The following INSC variants were observed in gnomAD, a reference collection of about 807,000 sequenced individuals.
INSC encodes INSC spindle orientation adaptor protein, also known as protein inscuteable homolog.
A neutral mutation model predicts 58.6 loss-of-function variants in INSC; 67 were observed. The ratio of observed to expected loss-of-function variants is 1.14; its 90% CI spans 0.94 to 1.40. The LOEUF (loss-of-function observed/expected upper bound fraction) is 1.40, where lower values mean the gene tolerates loss of function less well. INSC is among the 40% of genes most tolerant of loss of function. INSC has a pLI of 0.00. For missense variants in INSC, 714 were observed against 692.0 expected (o/e 1.03, Z -0.36); for synonymous variants, 262 against 276.1 (o/e 0.95, Z 0.51).
At chr11:15,112,516 G>A, upstream of INSC, 1 of 1,612,894 alleles carries the variant, frequency 6.2e-7, no homozygotes. Context: ...GAAGGTCCAG[G>A]TGGCTGGGGT....
At chr11:15,127,293 T>G (rs1848019470) in intron 1 of INSC, among the ~76,000 whole-genome samples, 1 of 152,200 alleles carries the variant, frequency 6.6e-6, no homozygotes, top group Admixed American at 6.5e-5. Context: ...AGCCACTTCT[T>G]TAAGAACAGC....
At chr11:15,255,865 G>A in the INSC span, among the ~76,000 whole-genome samples, 1 of 152,048 alleles carries the variant, frequency 6.6e-6, no homozygotes, top group African/African-American at 2.4e-5. Flanking sequence ...AATCTATAAA[G>A]GGGTATTTGT....
At chr11:15,112,580 AG>A (rs1434053825), upstream of INSC, 1 of 1,168,068 alleles carries the variant, frequency 8.6e-7, no homozygotes, top group Non-Finnish European at 1.2e-6. Flanking sequence ...GTATCTGGGA[AG>A]GTGGATGTGA....
the INSC span, among the ~76,000 whole-genome samples, chr11:15,254,678 A>G: frequency 2.6e-5 from 4 of 152,224 alleles, no homozygotes; most frequent in Non-Finnish European, 5.9e-5. Flanking sequence ...AGTGCTCAAT[A>G]AACGTGGTTA....
downstream of INSC, among the ~76,000 whole-genome samples, chr11:15,249,542 C>T (rs911149513): frequency 2.0e-5 from 3 of 152,128 alleles, no homozygotes; most frequent in Non-Finnish European, 4.4e-5. Flanking sequence ...CAGGGAACTA[C>T]CTGTCCCAGG....
intron 1 of INSC, among the ~76,000 whole-genome samples, chr11:15,141,278 T>C (rs1848365248): frequency 6.6e-6 from 1 of 152,184 alleles, no homozygotes; most frequent in South Asian, 2.1e-4. Context: ...AGGTGAGGCC[T>C]AAAAGGTAGA....
At chr11:15,184,638 C>T (rs1849900563) in intron 5 of INSC, 1 of 152,224 alleles carries the variant, frequency 6.6e-6, no homozygotes, top group Admixed American at 6.5e-5. Flanking sequence ...TCATGATCCG[C>T]CTGCCTCGGC....
At chr11:15,198,057 T>G (rs1486593494) in intron 6 of INSC, among the ~76,000 whole-genome samples, 1 of 152,188 alleles carries the variant, frequency 6.6e-6, no homozygotes, top group African/African-American at 2.4e-5. Flanking sequence ...ATCCATTTTA[T>G]TTCCTCTGTG....
chr11:15,213,664 C>T (rs754628866), intron 7 of INSC, among the ~76,000 whole-genome samples: 2 of 152,154 alleles, frequency 1.3e-5, no homozygotes, highest in Non-Finnish European at 2.9e-5. Flanking sequence ...AATTACTCAT[C>T]CCTGCTTTCT....
the INSC span, among the ~76,000 whole-genome samples, chr11:15,263,162 G>A: frequency 6.6e-6 from 1 of 152,116 alleles, no homozygotes; most frequent in Non-Finnish European, 1.5e-5. Flanking sequence ...TATCTGAAAA[G>A]GTGTACATTT....
At chr11:15,269,251 C>A in the INSC span, among the ~76,000 whole-genome samples, 1 of 152,014 alleles carries the variant, frequency 6.6e-6, no homozygotes, top group Non-Finnish European at 1.5e-5. Context: ...TTGATTAAAT[C>A]TTTGCCTATT....
intron 7 of INSC, among the ~76,000 whole-genome samples, chr11:15,209,876 G>A (rs899893285): frequency 1.3e-5 from 2 of 152,282 alleles, no homozygotes; most frequent in East Asian, 1.9e-4. Context: ...TTCAGACCCT[G>A]ATGAGGGGTG....
chr11:15,147,671 G>T (rs532310220), intron 1 of INSC, among the ~76,000 whole-genome samples: 14 of 152,164 alleles, frequency 9.2e-5, no homozygotes, highest in Admixed American at 5.2e-4. Context: ...CACATGTGGT[G>T]TCTACCCTCA....
chr11:15,204,274 C>T lies in INSC; in HGVS notation c.819+3325C>T, dbSNP rs78120160. 2.2e-3 allele frequency among the ~76,000 whole-genome samples: 337 copies of T among 152,348 alleles called. 2 individuals are homozygous for T. Among genetic ancestry groups the T allele is most frequent in the Non-Finnish European group, 3.5e-3 (239 of 68,024 alleles). ...AGACGCGAAGCCACTTGCTCAAGGG[C>T]GCATAGCTAAAAAGTAGCCCAGGCA... On this transcript the variant is annotated intron_variant, in intron 7 of 12. Transcript: ENST00000379556.
At chr11:15,215,785 C>A (rs1014420765) in intron 7 of INSC, among the ~76,000 whole-genome samples, 16 of 152,090 alleles carry the variant, frequency 1.1e-4, no homozygotes, top group Admixed American at 2.0e-4. Flanking sequence ...TGAGGTCAGA[C>A]CACAGTGATG....
intron 9 of INSC, among the ~76,000 whole-genome samples, chr11:15,230,651 C>T (rs928681298): frequency 2.6e-5 from 4 of 152,212 alleles, no homozygotes; most frequent in Non-Finnish European, 5.9e-5. Context: ...TGACCTGCTC[C>T]AGAAACCCTT....
In INSC at chr11:15,178,404, A is replaced by G. The variant is rs761618320; in HGVS notation, c.536A>G (p.His179Arg). The G allele has an allele frequency of 1.9e-6, 3 of 1,613,476 alleles. No individual in the cohort carries two copies. The highest frequency in any genetic ancestry group is 2.2e-5 in the South Asian group (2 of 91,076). Residue 179 changes from histidine (H) to arginine (R), a missense_variant, in exon 5 of 13, where the codon CAC becomes CGC. Transcript: ENST00000379556. ...GAGACCCTGAGCATGCTGGGCCAGC[A>G]CTTTGGTCAGCTGCTGGAGCTGGCC... is the stretch of plus-strand genomic sequence containing the variant. ...VSETLSMLGQHFGQLLELALT... is the reference protein window; with the variant it reads ...VSETLSMLGQRFGQLLELALT...
intron 1 of INSC, among the ~76,000 whole-genome samples, chr11:15,131,899 G>A (rs1848133491): frequency 6.6e-6 from 1 of 152,040 alleles, no homozygotes; most frequent in African/African-American, 2.4e-5. Flanking sequence ...TCCATGTAAT[G>A]CACCCTTAAT....
chr11:15,242,042 C>A (rs1005445682), intron 12 of INSC, among the ~76,000 whole-genome samples: 1 of 152,164 alleles, frequency 6.6e-6, no homozygotes, highest in South Asian at 2.1e-4. Context: ...GTTTCAGTTA[C>A]AGGTTGGTGA....
Sources: allele counts gnomAD v4.1 joint callset (sites outside exome capture counted in the v4.1 genomes callset), GRCh38; gene constraint gnomAD v4.1.1; transcripts MANE v1.5; gene names NCBI Gene and HGNC (gene_info 2026-07-23, HGNC 2026-07-21).